The following SLIT1 variants were observed in gnomAD, a reference collection of about 807,000 sequenced individuals.
SLIT1 encodes slit homolog 1 protein.
In SLIT1, 66 loss-of-function variants were observed where a neutral mutation model predicts 186.1. That is an observed-to-expected ratio of 0.35 (90% confidence interval 0.29 to 0.44). SLIT1 has a LOEUF of 0.44. Ranked by LOEUF, SLIT1 falls within the 20% of genes least tolerant of loss-of-function variation. The pLI is 1.00. For missense variants in SLIT1, 1,638 were observed against 2,037.4 expected, an observed-to-expected ratio of 0.80 and a Z score of 3.77; for synonymous variants, 761 against 833.8, an observed-to-expected ratio of 0.91 and a Z score of 1.50.
At chr10:97,114,036 C>A (rs1476809276) in intron 4 of SLIT1, among the ~76,000 whole-genome samples, 1 of 152,138 alleles carries the variant, frequency 6.6e-6, no homozygotes, top group Non-Finnish European at 1.5e-5. Context: ...GCTCTCCCAG[C>A]CCCTCAGGAT....
At chr10:97,015,335 G>A (rs1448862291) in intron 28 of SLIT1, among the ~76,000 whole-genome samples, 2 of 152,214 alleles carry the variant, frequency 1.3e-5, no homozygotes, top group Admixed American at 6.5e-5. Flanking sequence ...GAGGTTTCCA[G>A]TTCTGTGCAC....
intron 25 of SLIT1, among the ~76,000 whole-genome samples, chr10:97,028,002 G>T (rs1250276851): frequency 6.6e-6 from 1 of 152,184 alleles, no homozygotes. Flanking sequence ...CTATGCCCAG[G>T]TGTATGCAAC....
intron 4 of SLIT1, among the ~76,000 whole-genome samples, chr10:97,086,307 C>T (rs1470745267): frequency 2.6e-5 from 4 of 152,118 alleles, no homozygotes; most frequent in African/African-American, 4.8e-5. Flanking sequence ...AGGTGGCTCA[C>T]GCCTGTAATC....
intron 30 of SLIT1, 69 bp downstream of exon 30, chr10:97,013,672 C>T: frequency 3.5e-6 from 4 of 1,139,826 alleles, no homozygotes; most frequent in Non-Finnish European, 5.2e-6. Flanking sequence ...GGCACGGAGC[C>T]CAGACTGGAA....
intron 28 of SLIT1, among the ~76,000 whole-genome samples, chr10:97,017,053 G>A (rs758243016): frequency 2.3e-4 from 35 of 152,216 alleles, no homozygotes; most frequent in Non-Finnish European, 3.8e-4. Context: ...AACTCGTGGA[G>A]GCACCCCCTT....
Position 96,998,533 on chromosome 10 carries a change from A to C in SLIT1, c.*2579T>G, listed in dbSNP as rs1434756105. 5 of 152,300 alleles carry C rather than the reference A, an allele frequency of 3.3e-5. No homozygotes were observed. Among genetic ancestry groups the C allele is most frequent in the Admixed American group, 6.5e-5 (1 of 15,286 alleles). 9.4% of individuals were successfully genotyped at this position (152,300 alleles called of 1,614,324 possible). A position where few individuals can be genotyped will look rare whatever the true frequency, so the allele number is the denominator to read the frequency against. ...TCACAAAGGGGGACAAGATGTGGAGAGAGGACTTCTCAGAGGGGTGATTTT... is the reference window on the plus strand; with the variant it reads ...TCACAAAGGGGGACAAGATGTGGAGCGAGGACTTCTCAGAGGGGTGATTTT... On this transcript the variant is annotated 3_prime_UTR_variant, in exon 37 of 37. Transcript: ENST00000266058.
At chr10:97,124,341 G>A (rs1448176377) in intron 4 of SLIT1, among the ~76,000 whole-genome samples, 1 of 152,184 alleles carries the variant, frequency 6.6e-6, no homozygotes, top group Non-Finnish European at 1.5e-5. Flanking sequence ...GCCCAGAGAA[G>A]GTTGGGCCCC....
intron 4 of SLIT1, among the ~76,000 whole-genome samples, chr10:97,120,378 C>T (rs1849550063): frequency 6.6e-6 from 1 of 152,156 alleles, no homozygotes; most frequent in Non-Finnish European, 1.5e-5. Flanking sequence ...TCTCCGGTGC[C>T]CTGTGAGATT....
chr10:97,001,116 G>T lies in SLIT1; in HGVS notation c.4601C>A (p.Ala1534Glu), dbSNP rs1339820783. 11 of 1,612,044 alleles carry T rather than the reference G, an allele frequency of 6.8e-6. No homozygotes were observed. The South Asian group carries it at 1.2e-4, about 18-fold the overall frequency. The change falls in exon 37 of 37, where the codon GCA (alanine) becomes GAA (glutamate). Residue 1534 changes from alanine to glutamate, a missense_variant. This residue lies in a region of SLIT1 where 220 missense variants were observed against 211.3 expected (regional missense o/e 1.04). Coordinates refer to ENST00000266058, the MANE Select transcript of SLIT1 (RefSeq NM_003061.3). ...KPTKCGCALC[A>E] ...CCGGCCTGTCCACGCCCAGCGCTAT[G>T]CGCAGAGGGCACAGCCACACTTGGT...
At chr10:97,143,073 C>T (rs1849782059) in intron 4 of SLIT1, among the ~76,000 whole-genome samples, 1 of 152,178 alleles carries the variant, frequency 6.6e-6, no homozygotes, top group African/African-American at 2.4e-5. Context: ...AGCAGTATGA[C>T]ACTTACTCAA....
chr10:97,119,999 T>C (rs984886279), intron 4 of SLIT1, among the ~76,000 whole-genome samples: 4 of 145,780 alleles, frequency 2.7e-5, no homozygotes, highest in Non-Finnish European at 6.0e-5. Flanking sequence ...CATTTATCTG[T>C]CAGTTACCTT....
intron 4 of SLIT1, among the ~76,000 whole-genome samples, chr10:97,123,848 G>C (rs1000235054): frequency 6.7e-6 from 1 of 149,922 alleles, no homozygotes; most frequent in African/African-American, 2.5e-5. Context: ...CCAGTCACAA[G>C]ATTCAACAGC....
At chr10:97,073,253 T>A (rs971870897) in intron 4 of SLIT1, among the ~76,000 whole-genome samples, 8 of 152,180 alleles carry the variant, frequency 5.3e-5, no homozygotes, top group African/African-American at 1.9e-4. Flanking sequence ...CCTTTCCCCA[T>A]CAGTTTTCCG....
In SLIT1 at chr10:97,047,675, G is replaced by T. The variant is rs537336103; in HGVS notation, c.1634+15C>A. ...TTAGGGACAGGGGAGGGCTGGGGGG[G>T]CCAGGGACCCTCACAGTTCTGCCGT... On this transcript the variant is annotated intron_variant, in intron 16 of 36. Coordinates refer to ENST00000266058, the MANE Select transcript of SLIT1 (RefSeq NM_003061.3). 1.2e-6 allele frequency: 2 copies of T among 1,609,654 alleles called. No individual in the cohort carries two copies. The highest frequency in any genetic ancestry group is 1.7e-6 in the Non-Finnish European group (2 of 1,177,296).
At chr10:97,075,526 A>ACCT (rs1306278527) in intron 4 of SLIT1, among the ~76,000 whole-genome samples, 1 of 151,800 alleles carries the variant, frequency 6.6e-6, no homozygotes, top group Non-Finnish European at 1.5e-5. Context: ...AACAATACTG[A>ACCT]CCTCCCAGGG....
At chr10:97,098,514 G>A (rs1367966916) in intron 4 of SLIT1, among the ~76,000 whole-genome samples, 2 of 152,224 alleles carry the variant, frequency 1.3e-5, no homozygotes, top group South Asian at 2.1e-4. Context: ...GAAGCCCAGC[G>A]TGTGCTGGGG....
intron 4 of SLIT1, among the ~76,000 whole-genome samples, chr10:97,109,291 C>T (rs1475123981): frequency 5.9e-5 from 9 of 152,000 alleles, no homozygotes; most frequent in Non-Finnish European, 1.3e-4. Flanking sequence ...CTTAGTAAGT[C>T]ACAATAAATA....
chr10:97,005,404 G>C (rs1038222206), intron 32 of SLIT1, among the ~76,000 whole-genome samples: 1 of 152,174 alleles, frequency 6.6e-6, no homozygotes, highest in Non-Finnish European at 1.5e-5. Context: ...GCCTTGTCCT[G>C]CTCCCTCCGT....
At chr10:97,086,286 C>T (rs941804835) in intron 4 of SLIT1, among the ~76,000 whole-genome samples, 5 of 152,132 alleles carry the variant, frequency 3.3e-5, no homozygotes, top group African/African-American at 1.2e-4. Flanking sequence ...AAGAAATGAG[C>T]TGGCCGGATG....
Sources: gnomAD v4.1 joint callset for allele counts (sites outside exome capture counted in the v4.1 genomes callset) on GRCh38, gnomAD v4.1.1 for gene constraint, gnomAD v4.1.1 regional missense constraint, MANE v1.5 for transcripts, NCBI Gene and HGNC (gene_info 2026-07-23, HGNC 2026-07-21) for gene names.